MYOF: variants seen among roughly 807,000 people sequenced by gnomAD.
MYOF encodes fer-1-like 3, myoferlin.
A neutral mutation model predicts 284.2 loss-of-function variants in MYOF; 244 were observed. The observed-to-expected ratio is 0.86, with a 90% CI of 0.77 to 0.95. MYOF has a LOEUF of 0.95. Among genes scored for constraint, MYOF ranks in the 40% least tolerant of loss-of-function variants. The pLI is 0.00. For missense variants in MYOF, 2,496 were observed against 2,560.6 expected (o/e 0.97, Z 0.54); for synonymous variants, 904 against 919.7 (o/e 0.98, Z 0.31).
chr10:93,423,996 C>A (rs1037629494), intron 5 of MYOF, among the ~76,000 whole-genome samples: 1 of 152,090 alleles, frequency 6.6e-6, no homozygotes, highest in Non-Finnish European at 1.5e-5. Flanking sequence ...GGTGACGCAT[C>A]TACAAGCCAC....
rs532971752 is a variant in MYOF, at chr10:93,332,573, C to T, written c.4811+648G>A. ...TTAAACACTGAGTCTCAGCCTGTCG[C>T]GGTGGCTCACGCCTGTAATCCCAGC... is the stretch of plus-strand genomic sequence containing the variant. On this transcript the variant is annotated intron_variant, in intron 43 of 53. Coordinates refer to ENST00000359263, the MANE Select transcript of MYOF (RefSeq NM_013451.4). 1.4e-4 allele frequency among the ~76,000 whole-genome samples: 21 copies of T among 149,422 alleles called. No individual in the cohort carries two copies. The South Asian group carries it at 3.0e-3, about 21-fold the overall frequency.
chr10:93,460,683 C>T (rs2056851711), intron 1 of MYOF, among the ~76,000 whole-genome samples: 1 of 149,610 alleles, frequency 6.7e-6, no homozygotes, highest in South Asian at 2.1e-4. Flanking sequence ...AGGAGAATTG[C>T]TTGAACCCAG....
chr10:93,406,288 T>TTAGATATATATATATATATATATATATA (rs1847572696), intron 7 of MYOF, among the ~76,000 whole-genome samples: 1 of 58,128 alleles, frequency 1.7e-5, no homozygotes, highest in Non-Finnish European at 4.3e-5. Flanking sequence ...TAAACCTCTT[T>TTAGATATATATATATATATATATATATA]TATATATATA....
intron 37 of MYOF, 96 bp from the exon 38 acceptor site, chr10:93,344,028 G>T: frequency 1.5e-6 from 2 of 1,321,280 alleles, no homozygotes; most frequent in Non-Finnish European, 2.1e-6. Context: ...TAGGGTGGAT[G>T]GTAGAGTTTA....
intron 17 of MYOF, 149 bp downstream of exon 17, chr10:93,392,768 A>G: frequency 1.5e-6 from 1 of 672,024 alleles, no homozygotes; most frequent in Middle Eastern, 4.3e-4. Context: ...GGACAACCGT[A>G]TGGCACTTAC....
chr10:93,335,691 G>GC (rs554741365), intron 41 of MYOF, among the ~76,000 whole-genome samples: 1 of 151,080 alleles, frequency 6.6e-6, no homozygotes, highest in South Asian at 2.1e-4. Context: ...GAGTGCTCTG[G>GC]CCCCCCTCCC....
chr10:93,459,283 C>T (rs1204418975), intron 1 of MYOF, among the ~76,000 whole-genome samples: 1 of 152,190 alleles, frequency 6.6e-6, no homozygotes, highest in Admixed American at 6.5e-5. Flanking sequence ...TAAGAAAGTG[C>T]TCTTGAGAGA....
chr10:93,442,437 A>G (rs2056296088), intron 3 of MYOF, among the ~76,000 whole-genome samples: 1 of 152,232 alleles, frequency 6.6e-6, no homozygotes, highest in African/African-American at 2.4e-5. Context: ...CACCCAACCA[A>G]CAAGAAGCAA....
Position 93,439,127 on chromosome 10 carries a change from C to T in MYOF, c.237-7611G>A, listed in dbSNP as rs528530323. Among the ~76,000 whole-genome samples the T allele has an allele frequency of 3.3e-5, 5 of 152,314 alleles. No homozygotes were observed. In the South Asian group the frequency reaches 8.3e-4, roughly 25 times the overall value. On this transcript the variant is annotated intron_variant, in intron 3 of 53. Coordinates refer to ENST00000359263, the MANE Select transcript of MYOF (RefSeq NM_013451.4). ...ATTTTCGTGGCCAGCATCTACTGTGCTCTTTTTCCCAGCCCCTCCCACCTC... is the reference window on the plus strand; with the variant it reads ...ATTTTCGTGGCCAGCATCTACTGTGTTCTTTTTCCCAGCCCCTCCCACCTC...
chr10:93,391,172 G>A (rs1435832456), intron 17 of MYOF, among the ~76,000 whole-genome samples: 3 of 152,216 alleles, frequency 2.0e-5, no homozygotes, highest in Non-Finnish European at 4.4e-5. Context: ...AATGCCAGGG[G>A]CTTAATTATT....
chr10:93,346,137 C>T (rs146946683), intron 37 of MYOF, among the ~76,000 whole-genome samples: 55 of 152,278 alleles, frequency 3.6e-4, no homozygotes, highest in Non-Finnish European at 6.9e-4. Context: ...TTTTAGGCAC[C>T]GTCAATTCAG....
rs376461368 is a variant in MYOF at position 93,328,723 on chromosome 10, A to G, written c.5131+40T>C. On this transcript the variant is annotated intron_variant, in intron 45 of 53. Coordinates refer to ENST00000359263, the MANE Select transcript of MYOF (RefSeq NM_013451.4). ...AACCCAGCAATATATATGGGTTACT[A>G]TACTTTGTACCAGTTTACAATCCAC... is the stretch of plus-strand genomic sequence containing the variant. 1.6e-5 allele frequency: 25 copies of G among 1,584,246 alleles called. 2 individuals are homozygous for G. The Middle Eastern group carries it at 1.0e-3, about 64-fold the overall frequency.
rs371321885 is a variant in MYOF, at chr10:93,347,823, C to A, written c.4084-41G>T. 9 of 1,581,794 alleles carry A rather than the reference C, an allele frequency of 5.7e-6. No individual in the cohort carries two copies. In the African/African-American group the frequency reaches 6.8e-5, roughly 12 times the overall value. On this transcript the variant is annotated intron_variant, in intron 36 of 53. Coordinates refer to ENST00000359263, the MANE Select transcript of MYOF (RefSeq NM_013451.4). ...GTAGGTTTCATTTCTCAAGACCAGA[C>A]GAGGGCAGCTTTGAGAAAAATTCCC...
chr10:93,354,150 A>G (rs1844671920), intron 31 of MYOF, among the ~76,000 whole-genome samples: 1 of 152,164 alleles, frequency 6.6e-6, no homozygotes, highest in Admixed American at 6.5e-5. Flanking sequence ...CTAGGCAGGC[A>G]GACTGTTTGA....
At chr10:93,418,820 CT>C (rs965176372) in intron 5 of MYOF, among the ~76,000 whole-genome samples, 7 of 152,190 alleles carry the variant, frequency 4.6e-5, no homozygotes, top group African/African-American at 1.7e-4. Context: ...TTGAGAACCA[CT>C]TGTTTATGAT....
At chr10:93,392,765 C>T (rs1011214137) in intron 17 of MYOF, 152 bp downstream of exon 17, 10 of 651,056 alleles carry the variant, frequency 1.5e-5, no homozygotes, top group African/African-American at 7.3e-5. Flanking sequence ...GCAGGACAAC[C>T]GTATGGCACT....
At chr10:93,331,383 T>C (rs951900185) in intron 43 of MYOF, among the ~76,000 whole-genome samples, 2 of 152,202 alleles carry the variant, frequency 1.3e-5, no homozygotes, top group African/African-American at 4.8e-5. Flanking sequence ...AGACAGCGAT[T>C]GGCCGAGCAG....
chr10:93,325,878 T>C lies in MYOF; in HGVS notation c.5219A>G (p.Glu1740Gly). ...HILRTQGLVP[E>G]HVETRTLHST... Reference sequence around the variant, plus strand: ...GTGCAAAGTCCTTGTTTCCACGTGCTCAGGGACCAGCCCCTGAGTCCTGAG... The same window carrying C: ...GTGCAAAGTCCTTGTTTCCACGTGCCCAGGGACCAGCCCCTGAGTCCTGAG... Residue 1740 changes from glutamate to glycine, a missense_variant, in exon 46 of 54, where the codon GAG (glutamate) becomes GGG (glycine). Physicochemically the swap from Glu to Gly is moderately conservative, Grantham distance 98. Transcript: ENST00000359263. The C allele has an allele frequency of 3.7e-6, 6 of 1,614,044 alleles. No individual in the cohort carries two copies. Among genetic ancestry groups the C allele is most frequent in the Non-Finnish European group, 4.2e-6 (5 of 1,180,020 alleles).
intron 19 of MYOF, among the ~76,000 whole-genome samples, chr10:93,385,216 G>T (rs937297156): frequency 2.0e-5 from 3 of 152,192 alleles, no homozygotes; most frequent in Non-Finnish European, 2.9e-5. Flanking sequence ...GCAGGGCAGA[G>T]GTTCCAGAAG....
Sources: gnomAD v4.1 joint callset for allele counts (sites outside exome capture counted in the v4.1 genomes callset) on GRCh38, gnomAD v4.1.1 for gene constraint, MANE v1.5 for transcripts, NCBI Gene and HGNC (gene_info 2026-07-23, HGNC 2026-07-21) for gene names.